BAZ2B: variants seen among roughly 807,000 people sequenced by gnomAD.
The protein encoded by BAZ2B is bromodomain adjacent to zinc finger domain 2B.
In BAZ2B, 91 loss-of-function variants were observed where a neutral mutation model predicts 246.0. That is an observed-to-expected ratio of 0.37 (90% CI 0.31 to 0.44). BAZ2B has a LOEUF of 0.44. Ranked by LOEUF, BAZ2B falls within the 20% of genes least tolerant of loss-of-function variation. The pLI, the probability that BAZ2B is intolerant of heterozygous loss-of-function variation, is 1.00. For synonymous variants in BAZ2B, 855 were observed against 860.0 expected, an observed-to-expected ratio of 0.99 and a Z score of 0.10; for missense variants, 2,332 against 2,533.7, an observed-to-expected ratio of 0.92 and a Z score of 1.71.
At chr2:159,672,154 T>G in the BAZ2B span, among the ~76,000 whole-genome samples, 1 of 152,204 alleles carries the variant, frequency 6.6e-6, no homozygotes, top group African/African-American at 2.4e-5. Flanking sequence ...TGAGAATAGT[T>G]TTCTAGTTGC....
At chr2:159,686,099 C>CA in the BAZ2B span, among the ~76,000 whole-genome samples, 2 of 152,212 alleles carry the variant, frequency 1.3e-5, no homozygotes, top group East Asian at 3.9e-4. Context: ...CTTGTCTCTA[C>CA]AAAAAATTTA....
intron 20 of BAZ2B, 141 bp downstream of exon 20, chr2:159,395,628 T>C (rs910045988): frequency 6.6e-6 from 4 of 604,122 alleles, no homozygotes; most frequent in Non-Finnish European, 1.1e-5. Context: ...TCAGTTGCTA[T>C]CTCTAAACTT....
the BAZ2B span, chr2:159,670,840 C>A: frequency 1.8e-4 from 27 of 152,112 alleles, no homozygotes; most frequent in Admixed American, 6.5e-5. Context: ...CTTAGTTTCC[C>A]ATTTGTAAAA....
At chr2:159,591,622 AT>A (rs1199526359) in intron 1 of BAZ2B, among the ~76,000 whole-genome samples, 4 of 152,160 alleles carry the variant, frequency 2.6e-5, no homozygotes, top group Admixed American at 6.6e-5. Context: ...CCATTCCAAT[AT>A]TTTTTCCTTG....
At chr2:159,438,865 C>T (rs2150280747) in intron 7 of BAZ2B, 144 bp downstream of exon 7, 1 of 1,224,192 alleles carries the variant, frequency 8.2e-7, no homozygotes, top group Non-Finnish European at 1.1e-6. Flanking sequence ...CCTTTAAAAA[C>T]ATTTCTTCAT....
At chr2:159,701,650 A>T in the BAZ2B span, among the ~76,000 whole-genome samples, 1 of 147,922 alleles carries the variant, frequency 6.8e-6, no homozygotes, top group Admixed American at 6.8e-5. Flanking sequence ...TATAATATAT[A>T]TTTTTATAAT....
the BAZ2B span, among the ~76,000 whole-genome samples, chr2:159,701,821 C>T: frequency 1.3e-5 from 2 of 151,668 alleles, no homozygotes; most frequent in Admixed American, 6.6e-5. Context: ...CTCCACCTCC[C>T]AGGTTCCAGT....
At chr2:159,603,700 T>G (rs1455742906) in intron 1 of BAZ2B, among the ~76,000 whole-genome samples, 1 of 152,134 alleles carries the variant, frequency 6.6e-6, no homozygotes, top group Non-Finnish European at 1.5e-5. Context: ...CCAAAACTAT[T>G]TAAACATGTT....
Position 159,400,667 on chromosome 2 carries a change from G to A in BAZ2B, c.2833-3C>T, listed in dbSNP as rs773730406. 4.6e-6 allele frequency: 7 copies of A among 1,515,902 alleles called. No individual in the cohort carries two copies. The highest frequency in any genetic ancestry group is 5.4e-6 in the Non-Finnish European group (6 of 1,103,258). 93.9% of individuals were successfully genotyped at this position (1,515,902 alleles called of 1,614,324 possible). On this transcript the variant is annotated splice_region_variant and splice_polypyrimidine_tract_variant and intron_variant, in intron 16 of 36. Transcript: ENST00000392783. ...TGCTGTATTCTCTTAATTTTTTCCT[G>A]TAGGAAAAGTTATGATAACTTGAGA... is the stretch of plus-strand genomic sequence containing the variant.
the BAZ2B span, among the ~76,000 whole-genome samples, chr2:159,686,378 C>T: frequency 1.3e-5 from 2 of 152,294 alleles, no homozygotes; most frequent in East Asian, 3.9e-4. Context: ...TGAAAGGGTA[C>T]TTTGCCTCTG....
At chr2:159,518,227 C>T (rs1177093528) in intron 2 of BAZ2B, among the ~76,000 whole-genome samples, 1 of 152,124 alleles carries the variant, frequency 6.6e-6, no homozygotes, top group Admixed American at 6.5e-5. Context: ...TTTGGTTTCA[C>T]TGAAGGTGGT....
chr2:159,438,239 G>T, intron 8 of BAZ2B, 64 bp downstream of exon 8: 1 of 1,389,494 alleles, frequency 7.2e-7, no homozygotes, highest in African/African-American at 1.5e-5. Flanking sequence ...TGTATTGTAA[G>T]ACAATATAGA....
downstream of BAZ2B, among the ~76,000 whole-genome samples, chr2:159,317,449 A>T (rs1171201969): frequency 6.6e-6 from 1 of 152,236 alleles, no homozygotes; most frequent in East Asian, 1.9e-4. Context: ...AGGTGTACCT[A>T]TAGACACATC....
chr2:159,433,597 G>GACTA, intron 8 of BAZ2B: 1 of 379,264 alleles, frequency 2.6e-6, no homozygotes, highest in Non-Finnish European at 4.7e-6. Context: ...TATGCCTTTT[G>GACTA]ACTAGCCTCC....
chr2:159,653,866 T>A, the BAZ2B span, among the ~76,000 whole-genome samples: 2 of 152,296 alleles, frequency 1.3e-5, no homozygotes. Context: ...GTTGAGCCTA[T>A]AGAATACTAA....
chr2:159,645,438 C>T, the BAZ2B span, among the ~76,000 whole-genome samples: 3 of 152,040 alleles, frequency 2.0e-5, no homozygotes, highest in African/African-American at 7.2e-5. Context: ...TGAAACTGTT[C>T]CACCTCAGAT....
At chr2:159,697,657 AAT>A in the BAZ2B span, among the ~76,000 whole-genome samples, 9 of 152,248 alleles carry the variant, frequency 5.9e-5, no homozygotes, top group African/African-American at 2.2e-4. Context: ...ACCAGAAGAG[AAT>A]CTATGTAACT....
rs369435321 is a variant in BAZ2B, at chr2:159,382,661, A to G, written c.3903T>C (p.Asp1301=). 1.0e-5 allele frequency: 16 copies of G among 1,602,446 alleles called. No individual in the cohort carries two copies. Among genetic ancestry groups the G allele is most frequent in the African/African-American group, 1.3e-5 (1 of 74,664 alleles). ...RRKGGDSDYD[D]DDDDDSDDQG... ...GGTCATCACTGTCATCGTCATCATC[A>G]TCGTCATAATCACTGTCTCCTCCCT... The change falls in exon 25 of 37, where the codon GAT becomes GAC. Residue 1301 remains aspartate, a synonymous_variant. Coordinates refer to ENST00000392783, the MANE Select transcript of BAZ2B (RefSeq NM_013450.4).
chr2:159,384,678 T>C (rs2062411748), intron 23 of BAZ2B, among the ~76,000 whole-genome samples: 1 of 151,866 alleles, frequency 6.6e-6, no homozygotes, highest in Non-Finnish European at 1.5e-5. Flanking sequence ...AAAGTATAAA[T>C]TAATACACTG....
Sources: gnomAD v4.1 joint callset for allele counts (sites outside exome capture counted in the v4.1 genomes callset) on GRCh38, gnomAD v4.1.1 for gene constraint, MANE v1.5 for transcripts, NCBI Gene and HGNC (gene_info 2026-07-23, HGNC 2026-07-21) for gene names.